SYNE3: variants seen among roughly 807,000 people sequenced by gnomAD.
The protein encoded by SYNE3 is nesprin-3.
A neutral mutation model predicts 111.2 loss-of-function variants in SYNE3; 100 were observed. The ratio of observed to expected loss-of-function variants is 0.90; its 90% CI spans 0.77 to 1.06. The LOEUF is 1.06. SYNE3 is among the 50% of genes least tolerant of loss of function. SYNE3 has a pLI of 0.00. For missense variants in SYNE3, 1,160 were observed against 1,240.3 expected, an observed-to-expected ratio of 0.94 and a Z score of 0.97; for synonymous variants, 547 against 533.9, an observed-to-expected ratio of 1.02 and a Z score of -0.34.
chr14:95,486,630 G>A (rs368030321), intron 1 of SYNE3, among the ~76,000 whole-genome samples: 6 of 152,224 alleles, frequency 3.9e-5, no homozygotes, highest in African/African-American at 1.4e-4. Context: ...CTAAACCCCA[G>A]CGGCCCATGG....
chr14:95,442,135 C>T lies in SYNE3; in HGVS notation c.1911+1020G>A, dbSNP rs186176751. ...CTTTGTGTAAGTGGATGGAAGACTG[C>T]TCTTGGGTTTGATCAAAGTGCTATC... On this transcript the variant is annotated intron_variant, in intron 11 of 17. Transcript: ENST00000682763. Among the ~76,000 whole-genome samples, 163 of 152,314 alleles carry T rather than the reference C, an allele frequency of 1.1e-3. 1 individual carries two copies. Among genetic ancestry groups the T allele is most frequent in the African/African-American group, 3.6e-3 (151 of 41,574 alleles).
intron 4 of SYNE3, among the ~76,000 whole-genome samples, chr14:95,465,320 G>T (rs185088377): frequency 7.0e-6 from 1 of 142,726 alleles, no homozygotes; most frequent in East Asian, 2.0e-4. Context: ...CGAAACACTG[G>T]GTATCTGGAC....
rs796750479 is a variant in SYNE3 at position 95,414,671 on chromosome 14, CCTCT to C, written c.*3151_*3154del. ...TCCTTTCTCCCTCCTCTCCTTCCCT[CCTCT>C]CTCTCTCTCTGACACACACACACAC... On this transcript the variant is annotated 3_prime_UTR_variant, in exon 18 of 18. Coordinates refer to ENST00000682763, the MANE Select transcript of SYNE3 (RefSeq NM_152592.6). 3.4e-4 allele frequency: 49 copies of C among 144,780 alleles called. No homozygotes were observed. The highest frequency in any genetic ancestry group is 1.1e-3 in the African/African-American group (41 of 38,132). 9.0% of individuals were successfully genotyped at this position (144,780 alleles called of 1,614,324 possible). A position where few individuals can be genotyped will look rare whatever the true frequency, so the allele number is the denominator to read the frequency against.
At chr14:95,515,642 C>G (rs2139628606) in intron 1 of SYNE3, among the ~76,000 whole-genome samples, 1 of 152,348 alleles carries the variant, frequency 6.6e-6, no homozygotes, top group South Asian at 2.1e-4. Context: ...CCCCAAGACA[C>G]ATCAAGCTAT....
chr14:95,474,006 A>G (rs111774339), intron 2 of SYNE3, among the ~76,000 whole-genome samples: 305 of 70,702 alleles, frequency 4.3e-3, no homozygotes, highest in East Asian at 5.8e-3. Flanking sequence ...CTTGGGAGGT[A>G]TGACAGTGGC....
At chr14:95,424,586 C>T (rs1204971458) in intron 17 of SYNE3, among the ~76,000 whole-genome samples, 1 of 152,214 alleles carries the variant, frequency 6.6e-6, no homozygotes, top group Admixed American at 6.5e-5. Flanking sequence ...TCAGAGTGAG[C>T]ACAGCCCATG....
intron 1 of SYNE3, among the ~76,000 whole-genome samples, chr14:95,482,217 T>G (rs951702136): frequency 6.6e-6 from 1 of 152,188 alleles, no homozygotes; most frequent in African/African-American, 2.4e-5. Flanking sequence ...GCGGATCACC[T>G]GAGGTCAGGA....
rs181694067 is a variant in SYNE3, at chr14:95,472,049, G to A, written c.144+3629C>T. ...ACTGCAAAAAGGGCCAGGAGAGACC[G>A]CAAAGTAGTATGAGAGCTCAGGGAG... is the stretch of plus-strand genomic sequence containing the variant. On this transcript the variant is annotated intron_variant, in intron 2 of 17. Transcript: ENST00000682763. Among the ~76,000 whole-genome samples, 727 of 152,360 alleles carry A rather than the reference G, an allele frequency of 4.8e-3. 4 individuals are homozygous for A. Among genetic ancestry groups the A allele is most frequent in the Middle Eastern group, 6.8e-3 (2 of 294 alleles).
At chr14:95,471,003 AGAT>A (rs1455663085) in intron 2 of SYNE3, among the ~76,000 whole-genome samples, 2 of 152,034 alleles carry the variant, frequency 1.3e-5, no homozygotes, top group African/African-American at 4.8e-5. Flanking sequence ...AAAGAAAGTA[AGAT>A]GATATTTCTG....
intron 2 of SYNE3, among the ~76,000 whole-genome samples, chr14:95,474,832 T>G (rs769914483): frequency 6.6e-6 from 1 of 152,190 alleles, no homozygotes; most frequent in Non-Finnish European, 1.5e-5. Context: ...GGTGACTGGT[T>G]TGCTGCGGGA....
intron 4 of SYNE3, 52 bp from the exon 5 acceptor site, chr14:95,457,390 C>T (rs745796568): frequency 1.9e-6 from 3 of 1,593,342 alleles, no homozygotes; most frequent in Non-Finnish European, 1.7e-6. Context: ...CCAGACAGCC[C>T]AAAGGCCAGA....
At chr14:95,461,712 C>A (rs999831176) in intron 4 of SYNE3, among the ~76,000 whole-genome samples, 2 of 152,256 alleles carry the variant, frequency 1.3e-5, no homozygotes. Flanking sequence ...CAATCCCACC[C>A]CGAGGCCAGG....
At chr14:95,475,653 C>T (rs757742851) in intron 2 of SYNE3, 25 bp downstream of exon 2, 1 of 1,484,534 alleles carries the variant, frequency 6.7e-7, no homozygotes, top group Non-Finnish European at 8.9e-7. Flanking sequence ...ACCACAGGGC[C>T]ATCTGAGGCC....
intron 2 of SYNE3, among the ~76,000 whole-genome samples, chr14:95,468,509 C>G (rs1225035209): frequency 2.0e-5 from 3 of 152,194 alleles, no homozygotes; most frequent in Admixed American, 2.0e-4. Flanking sequence ...CACCAGAGAC[C>G]AAGAGCAGCT....
chr14:95,439,538 C>T (rs571431203), intron 13 of SYNE3, 74 bp downstream of exon 13: 64 of 1,578,644 alleles, frequency 4.1e-5, no homozygotes, highest in Middle Eastern at 3.3e-4. Flanking sequence ...CTCTGCTCCA[C>T]GAGCACCTGA....
chr14:95,462,364 G>A lies in SYNE3; in HGVS notation c.627+3567C>T, dbSNP rs556228844. ...CAAGCTTGCAGGAAGACTTCATGAGGGGCCATGGCCTTCAGCCAACAGCTG... is the reference window on the plus strand; with the variant it reads ...CAAGCTTGCAGGAAGACTTCATGAGAGGCCATGGCCTTCAGCCAACAGCTG... On this transcript the variant is annotated intron_variant, in intron 4 of 17. Transcript: ENST00000682763. Among the ~76,000 whole-genome samples, 3 of 152,302 alleles carry A rather than the reference G, an allele frequency of 2.0e-5. No homozygotes were observed. In the East Asian group the frequency reaches 5.8e-4, roughly 29 times the overall value.
intron 7 of SYNE3, chr14:95,450,487 C>A: frequency 5.4e-6 from 1 of 185,294 alleles, no homozygotes; most frequent in Non-Finnish European, 1.1e-5. Context: ...CCAGCCTGGG[C>A]AACATAGCAA....
chr14:95,450,514 A>ACCC (rs1566967879), intron 7 of SYNE3: 35 of 165,814 alleles, frequency 2.1e-4, no homozygotes, highest in East Asian at 1.4e-3. Flanking sequence ...ATCCCCCCCA[A>ACCC]AAAAATTTAA....
intron 16 of SYNE3, 29 bp from the exon 17 acceptor site, chr14:95,432,146 G>T (rs746448078): frequency 6.2e-7 from 1 of 1,601,456 alleles, no homozygotes; most frequent in South Asian, 1.1e-5. Flanking sequence ...AGAGGAAAAG[G>T]GGGGAAAAAA....
Sources: gnomAD v4.1 joint callset for allele counts (sites outside exome capture counted in the v4.1 genomes callset) on GRCh38, gnomAD v4.1.1 for gene constraint, MANE v1.5 for transcripts, NCBI Gene and HGNC (gene_info 2026-07-23, HGNC 2026-07-21) for gene names.